Variants in PAN3 observed in about 807,000 individuals in gnomAD.
PAN3 encodes the protein PAN2-PAN3 deadenylation complex subunit PAN3.
A neutral mutation model predicts 96.2 loss-of-function variants in PAN3; 19 were observed. That is an observed-to-expected ratio of 0.20 (90% CI 0.14 to 0.29). The LOEUF (loss-of-function observed/expected upper bound fraction) is 0.29. Among genes scored for constraint, PAN3 ranks in the 10% least tolerant of loss-of-function variants. The pLI is 1.00. For synonymous variants in PAN3, 433 were observed against 406.6 expected (o/e 1.06, Z -0.78); for missense variants, 882 against 1,108.1 (o/e 0.80, Z 2.90).
chr13:28,195,578 C>T (rs1298290349), intron 4 of PAN3, among the ~76,000 whole-genome samples: 1 of 152,074 alleles, frequency 6.6e-6, no homozygotes, highest in Non-Finnish European at 1.5e-5. Context: ...CTCTGTGGCC[C>T]AGGCTGGAGT....
At chr13:28,220,692 C>G (rs1020836509) in intron 6 of PAN3, among the ~76,000 whole-genome samples, 1 of 152,082 alleles carries the variant, frequency 6.6e-6, no homozygotes, top group Non-Finnish European at 1.5e-5. Context: ...TGCTGTTTCA[C>G]TCAAACTTAC....
chr13:28,204,936 T>C (rs1879174102), intron 5 of PAN3, among the ~76,000 whole-genome samples: 1 of 152,228 alleles, frequency 6.6e-6, no homozygotes, highest in African/African-American at 2.4e-5. Flanking sequence ...TTGATTTCAT[T>C]GTCTCCTTGT....
chr13:28,225,676 T>G (rs1316052941), intron 6 of PAN3, among the ~76,000 whole-genome samples: 1 of 152,188 alleles, frequency 6.6e-6, no homozygotes, highest in Admixed American at 6.5e-5. Flanking sequence ...AAAAGAAAAC[T>G]CAGTCTTCTG....
At chr13:28,290,978 T>G (rs1448577441) in intron 18 of PAN3, among the ~76,000 whole-genome samples, 1 of 152,106 alleles carries the variant, frequency 6.6e-6, no homozygotes, top group Non-Finnish European at 1.5e-5. Flanking sequence ...AAAGATCATT[T>G]AATGAATATT....
chr13:28,293,386 G>GTTTTTTT lies in PAN3; in HGVS notation c.*864_*865insTTTTTTT, dbSNP rs1231224488. 2.0e-5 allele frequency: 1 copy of GTTTTTTT among 50,340 alleles called. No individual in the cohort carries two copies. Among genetic ancestry groups the GTTTTTTT allele is most frequent in the Non-Finnish European group, 3.5e-5 (1 of 28,368 alleles). 3.1% of individuals were successfully genotyped at this position (50,340 alleles called of 1,614,324 possible). The stretch of plus-strand genomic sequence containing the variant: ...TACTTTAGGTTCTTTCCAGTTTGCT[G>GTTTTTTT]GTTTTTTTTTTTTTTTTTTTTTTTT... On this transcript the variant is annotated 3_prime_UTR_variant, in exon 19 of 19. Coordinates refer to ENST00000380958, the MANE Select transcript of PAN3 (RefSeq NM_175854.8).
chr13:28,228,499 A>G (rs887957010), intron 6 of PAN3, among the ~76,000 whole-genome samples: 2 of 152,192 alleles, frequency 1.3e-5, no homozygotes, highest in East Asian at 3.8e-4. Flanking sequence ...TTCAGTCACG[A>G]ATCTCTTACA....
At chr13:28,231,800 C>T (rs1422511151) in intron 6 of PAN3, among the ~76,000 whole-genome samples, 1 of 152,052 alleles carries the variant, frequency 6.6e-6, no homozygotes, top group Non-Finnish European at 1.5e-5. Flanking sequence ...TACTTGGGAG[C>T]TTGAGGCGGG....
rs1221011758 is a variant in PAN3, at chr13:28,215,311, G to A, written c.853-4920G>A. The A allele has an allele frequency of 2.6e-5, 19 of 730,116 alleles. No individual in the cohort carries two copies. In the East Asian group the frequency reaches 4.0e-4, roughly 15 times the overall value. 45.2% of individuals were successfully genotyped at this position (730,116 alleles called of 1,614,324 possible). ...GGTATTGGTACTGTGTCTGTGGACC[G>A]AGTGGAGACTGGTGTTCTCAAACCC... On this transcript the variant is annotated intron_variant, in intron 5 of 18. Transcript: ENST00000380958.
At chr13:28,196,352 T>G (rs1878056241) in intron 4 of PAN3, among the ~76,000 whole-genome samples, 1 of 152,190 alleles carries the variant, frequency 6.6e-6, no homozygotes, top group Non-Finnish European at 1.5e-5. Context: ...AGTGCAAATT[T>G]GCTGTAATTA....
chr13:28,249,442 C>G (rs1180564169), intron 6 of PAN3, among the ~76,000 whole-genome samples: 1 of 151,836 alleles, frequency 6.6e-6, no homozygotes, highest in Non-Finnish European at 1.5e-5. Flanking sequence ...AATATTAACG[C>G]AAGATTTTTA....
At chr13:28,191,369 C>T (rs1393927234) in intron 4 of PAN3, among the ~76,000 whole-genome samples, 4 of 152,142 alleles carry the variant, frequency 2.6e-5, no homozygotes, top group African/African-American at 9.7e-5. Context: ...CCTTCTTTCT[C>T]GACTAGTGAT....
intron 4 of PAN3, among the ~76,000 whole-genome samples, chr13:28,187,727 G>A (rs1309142687): frequency 6.6e-6 from 1 of 152,076 alleles, no homozygotes; most frequent in Non-Finnish European, 1.5e-5. Context: ...CATTTTTTAC[G>A]TATTTTTGTT....
intron 1 of PAN3, among the ~76,000 whole-genome samples, chr13:28,160,859 T>C (rs569672884): frequency 6.6e-6 from 1 of 152,344 alleles, no homozygotes; most frequent in African/African-American, 2.4e-5. Context: ...TGGCATAATA[T>C]TCTTTTCTGT....
Position 28,281,367 on chromosome 13 carries a change from A to G in PAN3, c.2372A>G (p.Asn791Ser), listed in dbSNP as rs781115679. 5.0e-5 allele frequency: 81 copies of G among 1,609,584 alleles called. No individual in the cohort carries two copies. Among genetic ancestry groups the G allele is most frequent in the Admixed American group, 3.0e-4 (18 of 59,984 alleles). The change falls in exon 17 of 19, where the codon AAT (asparagine) becomes AGT (serine). Residue 791 changes from asparagine to serine, a missense_variant. Asn to Ser is a conservative substitution (Grantham distance 46). This residue lies in a region of PAN3 where 76 missense variants were observed against 171.7 expected (regional missense o/e 0.44). Coordinates refer to ENST00000380958, the MANE Select transcript of PAN3 (RefSeq NM_175854.8). ...CTCCTAGCAAAATTGGGAACAATCA[A>G]TGAGAGGCCGGAGTAAGGATTTACA... ...FRLLAKLGTI[N>S]ERPEFQKDPT...
chr13:28,247,174 G>T (rs1156672767), intron 6 of PAN3, among the ~76,000 whole-genome samples: 1 of 149,650 alleles, frequency 6.7e-6, no homozygotes, highest in Non-Finnish European at 1.5e-5. Context: ...GATTAATAAT[G>T]CTGGACTTTT....
At chr13:28,291,410 C>T (rs1166966022) in intron 18 of PAN3, among the ~76,000 whole-genome samples, 2 of 152,128 alleles carry the variant, frequency 1.3e-5, no homozygotes, top group Admixed American at 6.6e-5. Flanking sequence ...AGATCATATA[C>T]TAGCATTTAC....
At chr13:28,208,301 C>G (rs950994077) in intron 5 of PAN3, among the ~76,000 whole-genome samples, 2 of 152,120 alleles carry the variant, frequency 1.3e-5, no homozygotes, top group African/African-American at 4.8e-5. Flanking sequence ...GTTCTTGCCT[C>G]TTTGGAATGT....
At chr13:28,157,904 C>G (rs1392857487) in intron 1 of PAN3, among the ~76,000 whole-genome samples, 4 of 152,140 alleles carry the variant, frequency 2.6e-5, no homozygotes, top group African/African-American at 4.8e-5. Context: ...CAAAGCAATC[C>G]TACACAAAAA....
chr13:28,266,830 T>C lies in PAN3; in HGVS notation c.1527T>C (p.Ala509=). 1 of 1,609,956 alleles carries C rather than the reference T, an allele frequency of 6.2e-7. No individual in the cohort carries two copies. The highest frequency in any genetic ancestry group is 8.5e-7 in the Non-Finnish European group (1 of 1,178,452). Residue 509 remains alanine, a synonymous_variant, in exon 10 of 19, where the codon GCT becomes GCC. Coordinates refer to ENST00000380958, the MANE Select transcript of PAN3 (RefSeq NM_175854.8). ...GATATATTACATCTTGCTACAAAGC[T>C]GTAAACAGCAAAGATGATCTGCCAT... ...NFGYITSCYK[A]VNSKDDLPYC... is the part of the protein sequence containing the mutation.
Sources: gnomAD v4.1 joint callset for allele counts (sites outside exome capture counted in the v4.1 genomes callset) on GRCh38, gnomAD v4.1.1 for gene constraint, gnomAD v4.1.1 regional missense constraint, MANE v1.5 for transcripts, NCBI Gene and HGNC (gene_info 2026-07-23, HGNC 2026-07-21) for gene names.